Variants in SKA1 observed in about 807,000 individuals in gnomAD.
The protein encoded by SKA1 is SKA complex subunit 1.
Under a neutral mutation model 31.8 loss-of-function variants are expected in SKA1, and 20 were observed. The observed-to-expected ratio is 0.63, with a 90% CI of 0.44 to 0.91. The LOEUF is 0.91. Among genes scored for constraint, SKA1 ranks in the 40% least tolerant of loss-of-function variants. The pLI is 0.00. For synonymous variants in SKA1, 88 were observed against 100.5 expected (o/e 0.88, Z 0.74); for missense variants, 253 against 298.2 (o/e 0.85, Z 1.12).
chr18:50,384,872 A>AAAAAAAAAAAAAAAAAAAG (rs2041293316), intron 4 of SKA1, among the ~76,000 whole-genome samples: 16 of 68,776 alleles, frequency 2.3e-4, no homozygotes, highest in East Asian at 1.1e-3. Flanking sequence ...AAAAAAAATT[A>AAAAAAAAAAAAAAAAAAAG]AAAAAAAAAA....
At chr18:50,383,496 G>T (rs2041278818) in intron 4 of SKA1, among the ~76,000 whole-genome samples, 2 of 152,114 alleles carry the variant, frequency 1.3e-5, no homozygotes, top group African/African-American at 4.8e-5. Context: ...TTAATGGCCT[G>T]CTATTTTCTC....
intron 3 of SKA1, among the ~76,000 whole-genome samples, chr18:50,380,800 A>T (rs1203553194): frequency 6.6e-6 from 1 of 152,220 alleles, no homozygotes; most frequent in Non-Finnish European, 1.5e-5. Flanking sequence ...AAGCCTTCAA[A>T]TTGAGTTCAG....
intron 3 of SKA1, 87 bp from the exon 4 acceptor site, chr18:50,382,042 G>A (rs2041267782): frequency 3.7e-6 from 3 of 809,840 alleles, no homozygotes; most frequent in Non-Finnish European, 3.9e-6. Context: ...CTGTGATTAT[G>A]GTTCACTGTT....
chr18:50,375,823 C>T lies in SKA1; in HGVS notation c.-8C>T, dbSNP rs779496136. On this transcript the variant is annotated 5_prime_UTR_variant, in exon 2 of 7. Coordinates refer to ENST00000285116, the MANE Select transcript of SKA1 (RefSeq NM_145060.4). ...ATGTTTATGTTTTTTTCTTCAGAGG[C>T]TTAAAGGATGGCCTCGTCAGATCTG... is the stretch of plus-strand genomic sequence containing the variant. The T allele has an allele frequency of 5.1e-6, 8 of 1,582,816 alleles. No individual in the cohort carries two copies. The highest frequency in any genetic ancestry group is 6.9e-6 in the Non-Finnish European group (8 of 1,164,422).
At chr18:50,383,691 A>G (rs1211959203) in intron 4 of SKA1, among the ~76,000 whole-genome samples, 1 of 152,342 alleles carries the variant, frequency 6.6e-6, no homozygotes, top group Admixed American at 6.5e-5. Context: ...TAAGCTGACT[A>G]TGGCCTAGCC....
rs1368636346 is a variant in SKA1 at position 50,392,473 on chromosome 18, A to C, written c.*226A>C. On this transcript the variant is annotated 3_prime_UTR_variant, in exon 7 of 7. Coordinates refer to ENST00000285116, the MANE Select transcript of SKA1 (RefSeq NM_145060.4). The stretch of plus-strand genomic sequence containing the variant: ...AGCCTCAACCTCCCAGGCTCAAGTG[A>C]TCCTCCCACCTCAGCCCCCTGAATG... 3.6e-6 allele frequency: 1 copy of C among 281,620 alleles called. No homozygotes were observed. The highest frequency in any genetic ancestry group is 2.2e-5 in the African/African-American group (1 of 45,208). 17.4% of individuals were successfully genotyped at this position (281,620 alleles called of 1,614,324 possible).
At chr18:50,384,210 G>C (rs529720229) in intron 4 of SKA1, among the ~76,000 whole-genome samples, 1 of 152,268 alleles carries the variant, frequency 6.6e-6, no homozygotes, top group Non-Finnish European at 1.5e-5. Context: ...ATAAGATAGG[G>C]TATAGCTTTC....
chr18:50,377,453 C>A (rs184278493), intron 2 of SKA1, among the ~76,000 whole-genome samples: 1 of 152,250 alleles, frequency 6.6e-6, no homozygotes, highest in Admixed American at 6.5e-5. Context: ...TTGGAGGAAG[C>A]TTATTACTCT....
At chr18:50,381,686 C>T (rs1253009451) in intron 3 of SKA1, among the ~76,000 whole-genome samples, 1 of 147,270 alleles carries the variant, frequency 6.8e-6, no homozygotes. Flanking sequence ...ATTGCTTTTT[C>T]ACTTCATTCT....
chr18:50,391,416 A>G (rs1343416472), intron 6 of SKA1, 123 bp downstream of exon 6: 3 of 987,354 alleles, frequency 3.0e-6, no homozygotes, highest in African/African-American at 3.4e-5. Context: ...AGGAGCAGTT[A>G]TCCTACCAGG....
At chr18:50,377,669 AT>A (rs2041230820) in intron 2 of SKA1, among the ~76,000 whole-genome samples, 1 of 152,226 alleles carries the variant, frequency 6.6e-6, no homozygotes. Flanking sequence ...GTAACGGTTT[AT>A]TGGCAGACAG....
chr18:50,389,618 A>G (rs1345757153), intron 5 of SKA1, among the ~76,000 whole-genome samples: 1 of 151,838 alleles, frequency 6.6e-6, no homozygotes, highest in African/African-American at 2.4e-5. Flanking sequence ...GCTGGTCTCA[A>G]ACTCCTGACC....
Position 50,384,905 on chromosome 18 carries a change from A to G in SKA1, c.312-311A>G, listed in dbSNP as rs1208730184. Among the ~76,000 whole-genome samples the G allele has an allele frequency of 1.1e-4, 17 of 150,516 alleles. 1 individual carries two copies. The highest frequency in any genetic ancestry group is 3.6e-4 in the African/African-American group (15 of 41,332). On this transcript the variant is annotated intron_variant, in intron 4 of 6. Coordinates refer to ENST00000285116, the MANE Select transcript of SKA1 (RefSeq NM_145060.4). ...AAAAAAAAAAAGGAAAAAAAAAAAA[A>G]AGAGAAGCTATTAAGCCGTAAAGCT...
Position 50,376,618 on chromosome 18 carries a change from C to T in SKA1, c.88+700C>T, listed in dbSNP as rs146284062. Among the ~76,000 whole-genome samples, 92 of 152,250 alleles carry T rather than the reference C, an allele frequency of 6.0e-4. 2 individuals are homozygous for T. The East Asian group carries it at 0.014, about 24-fold the overall frequency. ...TACTGTAGGCTTTATAAGTACTATA[C>T]ACTTATGCTACACTAAATTTATAAA... On this transcript the variant is annotated intron_variant, in intron 2 of 6. Transcript: ENST00000285116.
In SKA1 at chr18:50,392,366, T is replaced by TTTTTTTTTG. The variant is rs2041365068; in HGVS notation, c.*119_*120insTTTTTTTTG. 1 of 612,812 alleles carries TTTTTTTTTG rather than the reference T, an allele frequency of 1.6e-6. No homozygotes were observed. The highest frequency in any genetic ancestry group is 1.9e-5 in the African/African-American group (1 of 52,096). 38.0% of individuals were successfully genotyped at this position (612,812 alleles called of 1,614,324 possible). A position where few individuals can be genotyped will look rare whatever the true frequency, so the allele number is the denominator to read the frequency against. On this transcript the variant is annotated 3_prime_UTR_variant, in exon 7 of 7. Coordinates refer to ENST00000285116, the MANE Select transcript of SKA1 (RefSeq NM_145060.4). ...TTTTTTGTTTCCTTTTTTTTTTTTT[T>TTTTTTTTTG]GAGACAGGATCTTGCTTTGTCACCC...
intron 5 of SKA1, among the ~76,000 whole-genome samples, chr18:50,389,753 A>C (rs549380616): frequency 3.1e-4 from 47 of 152,300 alleles, no homozygotes; most frequent in African/African-American, 9.6e-4. Context: ...CTCTGATGCT[A>C]TTCAGCTTTG....
In SKA1 at chr18:50,382,238, T is replaced by G; in HGVS notation, c.311+12T>G. The G allele has an allele frequency of 7.0e-7, 1 of 1,425,154 alleles. No homozygotes were observed. The highest frequency in any genetic ancestry group is 9.4e-7 in the Non-Finnish European group (1 of 1,067,468). 88.3% of individuals were successfully genotyped at this position (1,425,154 alleles called of 1,614,324 possible). A position where few individuals can be genotyped will look rare whatever the true frequency, so the allele number is the denominator to read the frequency against. The stretch of plus-strand genomic sequence containing the variant: ...GTAACCCAGAGCTGGTAAGTGTATT[T>G]ATAATTATTCTTGCTATCTGGATTT... On this transcript the variant is annotated intron_variant, in intron 4 of 6. Transcript: ENST00000285116.
chr18:50,379,000 G>C (rs906576203), intron 2 of SKA1, among the ~76,000 whole-genome samples: 3 of 152,152 alleles, frequency 2.0e-5, no homozygotes, highest in Non-Finnish European at 4.4e-5. Context: ...CAGTAATGAG[G>C]TAGGTACTTG....
chr18:50,385,205 G>A lies in SKA1; in HGVS notation c.312-11G>A. The A allele has an allele frequency of 6.2e-7, 1 of 1,603,076 alleles. No homozygotes were observed. Among genetic ancestry groups the A allele is most frequent in the Non-Finnish European group, 8.5e-7 (1 of 1,175,980 alleles). ...AAATTGCCTGTATGTATGTACATCT[G>A]TATTCTGTAGTGTTAAGGGATCAGA... On this transcript the variant is annotated splice_polypyrimidine_tract_variant and intron_variant, in intron 4 of 6. Transcript: ENST00000285116.
Sources: allele counts gnomAD v4.1 joint callset (sites outside exome capture counted in the v4.1 genomes callset), GRCh38; gene constraint gnomAD v4.1.1; transcripts MANE v1.5; gene names NCBI Gene and HGNC (gene_info 2026-07-23, HGNC 2026-07-21).